ANAPC15: variants seen among roughly 807,000 people sequenced by gnomAD.
ANAPC15 encodes anaphase-promoting complex subunit 15.
ANAPC15 carries 13 observed loss-of-function variants against 19.8 expected under a neutral mutation model. That is an observed-to-expected ratio of 0.66 (90% CI 0.43 to 1.04). ANAPC15 has a LOEUF of 1.04. Among genes scored for constraint, ANAPC15 ranks in the 50% least tolerant of loss-of-function variants. The pLI, the probability that ANAPC15 is intolerant of heterozygous loss-of-function variation, is 0.00. For synonymous variants in ANAPC15, 45 were observed against 50.7 expected (o/e 0.89, Z 0.47); for missense variants, 88 against 150.3 (o/e 0.59, Z 2.17).
downstream of ANAPC15, chr11:72,108,538 C>T (rs143294861): frequency 5.0e-3 from 6,940 of 1,376,554 alleles, 30 homozygotes; most frequent in Middle Eastern, 6.2e-3. Flanking sequence ...AAGCCAGATC[C>T]TGGTGGGGTC....
At chr11:72,112,569 G>A (rs1208699989) in intron 1 of ANAPC15, 81 bp downstream of exon 1, 7 of 426,360 alleles carry the variant, frequency 1.6e-5, no homozygotes, top group Admixed American at 1.6e-4. Context: ...CTGGGGAGTC[G>A]GGTCAAAGGA....
downstream of ANAPC15, chr11:72,108,497 T>C: frequency 2.1e-6 from 2 of 953,582 alleles, no homozygotes; most frequent in Admixed American, 3.1e-5. Flanking sequence ...AGAACACTCA[T>C]GGGAAGCTAA....
chr11:72,109,467 A>C (rs1946125448), downstream of ANAPC15: 1 of 392,590 alleles, frequency 2.5e-6, no homozygotes, highest in Non-Finnish European at 5.0e-6. Context: ...GCCTTCCCTA[A>C]CTCTGGCCCA....
At chr11:72,107,659 C>T (rs865900005), downstream of ANAPC15, 20 of 619,192 alleles carry the variant, frequency 3.2e-5, no homozygotes, top group East Asian at 2.7e-5. Flanking sequence ...GGCTGAGAAT[C>T]CCAAGTTCAA....
chr11:72,109,276 G>A (rs1322379220), downstream of ANAPC15: 3 of 460,892 alleles, frequency 6.5e-6, no homozygotes, highest in African/African-American at 4.0e-5. Context: ...GAAGCTGGAT[G>A]GGAGAGCTCC....
chr11:72,107,655 GAATCCCAAGTTC>G, downstream of ANAPC15: 1 of 620,830 alleles, frequency 1.6e-6, no homozygotes, highest in Non-Finnish European at 2.9e-6. Context: ...GCCAGGCTGA[GAATCCCAAGTTC>G]AATCCCAAAG....
downstream of ANAPC15, chr11:72,107,512 G>C: frequency 1.4e-6 from 1 of 702,926 alleles, no homozygotes; most frequent in African/African-American, 1.7e-5. Flanking sequence ...TACACATGTG[G>C]CATGAAGGAA....
At chr11:72,112,597 G>GA in intron 1 of ANAPC15, 53 bp downstream of exon 1, 1 of 450,536 alleles carries the variant, frequency 2.2e-6, no homozygotes, top group South Asian at 1.6e-5. Context: ...TTCTCTGGGG[G>GA]AAAAAGGAAT....
chr11:72,110,437 T>C, intron 4 of ANAPC15, 107 bp downstream of exon 4: 1 of 1,552,780 alleles, frequency 6.4e-7, no homozygotes, highest in Non-Finnish European at 8.8e-7. Flanking sequence ...TTTACCCAGA[T>C]CTGAGAACCA....
rs750669710 is a variant in ANAPC15 at position 72,110,071 on chromosome 11, C to T, written c.318+17G>A. ...AGGGTCCAGGAACAGAGGCCCTCCC[C>T]CATACCCCTTGCCTACCTCATTGAC... On this transcript the variant is annotated intron_variant, in intron 5 of 5. Transcript: ENST00000227618. 53 of 1,613,990 alleles carry T rather than the reference C, an allele frequency of 3.3e-5. No homozygotes were observed. Among genetic ancestry groups the T allele is most frequent in the Admixed American group, 2.7e-4 (16 of 60,010 alleles).
At chr11:72,110,477 C>G (rs1946467232) in intron 4 of ANAPC15, 67 bp downstream of exon 4, 1 of 1,601,438 alleles carries the variant, frequency 6.2e-7, no homozygotes, top group Non-Finnish European at 8.5e-7. Flanking sequence ...ACAGGACATT[C>G]AGAATTAGAG....
downstream of ANAPC15, chr11:72,107,009 TA>T (rs796531743): frequency 1.4e-4 from 23 of 170,182 alleles, no homozygotes; most frequent in African/African-American, 5.3e-4. Flanking sequence ...CTCATGCCTG[TA>T]ATCCCAGCAC....
chr11:72,109,923 G>A lies in ANAPC15; in HGVS notation c.324C>T (p.Asp108=). Residue 108 remains aspartate (D), a synonymous_variant, in exon 6 of 6, where the codon GAC becomes GAT. Transcript: ENST00000227618. ...CCTGATCCTGTTCGTTGCCTTCCAT[G>A]TCCACCTGGAGAGGAGGCTGGGTGT... is the stretch of plus-strand genomic sequence containing the variant. The part of the protein sequence containing the change: ...SPDDGEVNEV[D]MEGNEQDQDQ... 3.1e-6 allele frequency: 5 copies of A among 1,614,096 alleles called. No individual in the cohort carries two copies. The highest frequency in any genetic ancestry group is 4.2e-6 in the Non-Finnish European group (5 of 1,180,010).
At chr11:72,110,843 TATC>T (rs1384435519) in intron 3 of ANAPC15, 26 of 583,050 alleles carry the variant, frequency 4.5e-5, no homozygotes, top group Non-Finnish European at 7.9e-5. Context: ...GTGAGAGACT[TATC>T]AGCCTAGAAA....
At chr11:72,110,340 C>T in intron 4 of ANAPC15, 115 bp from the exon 5 acceptor site, 1 of 1,575,308 alleles carries the variant, frequency 6.3e-7, no homozygotes, top group Non-Finnish European at 8.6e-7. Context: ...CCGACACTCC[C>T]TCCTTGAGTC....
At chr11:72,108,443 A>G (rs149183061), downstream of ANAPC15, among the ~76,000 whole-genome samples, 16 of 152,350 alleles carry the variant, frequency 1.1e-4, no homozygotes, top group African/African-American at 3.8e-4. Context: ...GGAAATCACA[A>G]TACTGATCCT....
At chr11:72,109,419 T>C, downstream of ANAPC15, 1 of 454,744 alleles carries the variant, frequency 2.2e-6, no homozygotes, top group Admixed American at 2.4e-5. Flanking sequence ...CCAGAGAAAA[T>C]GGCACAGAAC....
At chr11:72,110,730 G>A (rs752561720) in intron 3 of ANAPC15, 127 bp from the exon 4 acceptor site, 110 of 934,714 alleles carry the variant, frequency 1.2e-4, no homozygotes, top group Non-Finnish European at 1.7e-4. Flanking sequence ...CCAGTTCTCA[G>A]GGAGATACAA....
chr11:72,111,038 C>A (rs184366262), intron 3 of ANAPC15, 119 bp downstream of exon 3: 2 of 757,114 alleles, frequency 2.6e-6, no homozygotes, highest in Non-Finnish European at 4.4e-6. Flanking sequence ...CCGATTATTC[C>A]CAGCTCAGGG....
Sources: gnomAD v4.1 joint callset for allele counts (sites outside exome capture counted in the v4.1 genomes callset) on GRCh38, gnomAD v4.1.1 for gene constraint, MANE v1.5 for transcripts, NCBI Gene and HGNC (gene_info 2026-07-23, HGNC 2026-07-21) for gene names.